Variants in DDX10 observed in about 807,000 individuals in gnomAD.
The protein encoded by DDX10 is DEAD-box helicase 10.
Under a neutral mutation model 104.3 loss-of-function variants are expected in DDX10, and 74 were observed. The observed-to-expected ratio is 0.71, with a 90% CI of 0.59 to 0.86. The LOEUF is 0.86. Ranked by LOEUF, DDX10 falls within the 40% of genes least tolerant of loss-of-function variation. The probability of loss-of-function intolerance (pLI) is 0.00; values close to 1 mark genes in which losing one functional copy is unlikely to be tolerated. For synonymous variants in DDX10, 351 were observed against 353.4 expected (o/e 0.99, Z 0.08); for missense variants, 952 against 1,040.0 (o/e 0.92, Z 1.16).
chr11:108,812,287 G>GA (rs1285425897), intron 13 of DDX10, among the ~76,000 whole-genome samples: 1 of 152,112 alleles, frequency 6.6e-6, no homozygotes, highest in African/African-American at 2.4e-5. Context: ...CTATGCCTTT[G>GA]AAATAAGCTT....
intron 6 of DDX10, among the ~76,000 whole-genome samples, chr11:108,686,353 A>C (rs2094244092): frequency 6.6e-6 from 1 of 152,150 alleles, no homozygotes; most frequent in Non-Finnish European, 1.5e-5. Flanking sequence ...ATAGTATTTC[A>C]CAGTATATTC....
At position 108,880,453 on chromosome 11, in the gene DDX10, G is replaced by A. The variant is rs144882423; in HGVS notation, c.2304+28244G>A. 2.0e-5 allele frequency among the ~76,000 whole-genome samples: 3 copies of A among 152,272 alleles called. No individual in the cohort carries two copies. The East Asian group carries it at 5.8e-4, about 29-fold the overall frequency. On this transcript the variant is annotated intron_variant, in intron 16 of 17. Coordinates refer to ENST00000322536, the MANE Select transcript of DDX10 (RefSeq NM_004398.4). Reference sequence around the variant, plus strand: ...CCATAACAGCATTGCCTTATGTGTTGGATATGTAAAAATTAATTAGACATC... The same window carrying A: ...CCATAACAGCATTGCCTTATGTGTTAGATATGTAAAAATTAATTAGACATC...
Position 108,784,595 on chromosome 11 carries a change from T to C in DDX10, c.1966-53851T>C, listed in dbSNP as rs565053701. The stretch of plus-strand genomic sequence containing the variant: ...CTTGCAGATTCTGGATATTAGACTT[T>C]TGTCAAATGTCAAAATAATTGCAAA... On this transcript the variant is annotated intron_variant, in intron 13 of 17. Coordinates refer to ENST00000322536, the MANE Select transcript of DDX10 (RefSeq NM_004398.4). 3.9e-5 allele frequency among the ~76,000 whole-genome samples: 6 copies of C among 152,310 alleles called. No homozygotes were observed. The East Asian group carries it at 5.8e-4, about 15-fold the overall frequency.
intron 13 of DDX10, among the ~76,000 whole-genome samples, chr11:108,821,771 A>G (rs990119352): frequency 6.6e-6 from 1 of 152,222 alleles, no homozygotes; most frequent in African/African-American, 2.4e-5. Context: ...TTGATATTAC[A>G]CATAAACCAC....
At chr11:108,695,789 T>C (rs1368558086) in intron 9 of DDX10, among the ~76,000 whole-genome samples, 1 of 151,850 alleles carries the variant, frequency 6.6e-6, no homozygotes, top group East Asian at 1.9e-4. Context: ...TTTGATTGAT[T>C]CATGTTTATC....
chr11:108,892,886 C>T (rs752947243), intron 16 of DDX10, among the ~76,000 whole-genome samples: 3 of 152,108 alleles, frequency 2.0e-5, no homozygotes, highest in Non-Finnish European at 2.9e-5. Flanking sequence ...CTATTATTCT[C>T]ACCTATCCTT....
At chr11:108,826,288 CT>C (rs1862394566) in intron 13 of DDX10, among the ~76,000 whole-genome samples, 1 of 152,108 alleles carries the variant, frequency 6.6e-6, no homozygotes, top group African/African-American at 2.4e-5. Context: ...CAAATACACT[CT>C]GGATAGAAGT....
intron 9 of DDX10, among the ~76,000 whole-genome samples, chr11:108,699,289 T>C (rs1285547383): frequency 6.6e-6 from 1 of 152,198 alleles, no homozygotes; most frequent in East Asian, 1.9e-4. Flanking sequence ...AACCATTTAT[T>C]ATCGCAGCAA....
chr11:108,812,037 A>C (rs1307650152), intron 13 of DDX10, among the ~76,000 whole-genome samples: 1 of 152,034 alleles, frequency 6.6e-6, no homozygotes, highest in Non-Finnish European at 1.5e-5. Context: ...ATCCTGGTAC[A>C]GTTAGATATA....
At chr11:108,670,417 A>G (rs2094215474) in intron 1 of DDX10, among the ~76,000 whole-genome samples, 1 of 152,160 alleles carries the variant, frequency 6.6e-6, no homozygotes, top group East Asian at 1.9e-4. Flanking sequence ...GTTCCAAGAA[A>G]GATTCAGCCA....
chr11:108,869,144 T>C (rs544986432), intron 16 of DDX10, among the ~76,000 whole-genome samples: 1 of 151,932 alleles, frequency 6.6e-6, no homozygotes, highest in Admixed American at 6.6e-5. Context: ...ACTTGTATAT[T>C]AAAAGCCATG....
At chr11:108,719,773 A>T (rs2094296071) in intron 11 of DDX10, 24 bp from the exon 12 acceptor site, 3 of 1,387,770 alleles carry the variant, frequency 2.2e-6, no homozygotes, top group Non-Finnish European at 3.1e-6. Flanking sequence ...ATTATATTGT[A>T]CTTTTCAACC....
intron 13 of DDX10, among the ~76,000 whole-genome samples, chr11:108,779,961 AACTGTCCGTGAG>A (rs566730397): frequency 1.3e-5 from 2 of 152,332 alleles, no homozygotes; most frequent in Non-Finnish European, 2.9e-5. Context: ...TATGCTACTT[AACTGTCCGTGAG>A]ACTGTGGCAA....
intron 1 of DDX10, among the ~76,000 whole-genome samples, chr11:108,667,139 A>G (rs2094211168): frequency 6.6e-6 from 1 of 152,182 alleles, no homozygotes; most frequent in African/African-American, 2.4e-5. Context: ...TTTCTCTGTA[A>G]ATGATAGTGA....
chr11:108,861,802 A>G (rs994062907), intron 16 of DDX10, among the ~76,000 whole-genome samples: 4 of 152,152 alleles, frequency 2.6e-5, no homozygotes, highest in East Asian at 3.9e-4. Context: ...CCATACTTCA[A>G]TTAAAGCTCA....
intron 15 of DDX10, among the ~76,000 whole-genome samples, chr11:108,850,817 C>T (rs1184783014): frequency 2.6e-5 from 4 of 152,204 alleles, no homozygotes; most frequent in Admixed American, 1.3e-4. Context: ...CTCCCCAGGC[C>T]CAGTTTAGTC....
At chr11:108,842,048 A>T (rs561436859) in intron 15 of DDX10, among the ~76,000 whole-genome samples, 1 of 152,302 alleles carries the variant, frequency 6.6e-6, no homozygotes, top group East Asian at 1.9e-4. Context: ...AAATTTCCAT[A>T]TCAATTACTT....
chr11:108,836,590 G>A (rs142642748), intron 13 of DDX10, among the ~76,000 whole-genome samples: 3,178 of 152,194 alleles, frequency 0.021, 112 homozygotes, highest in African/African-American at 0.07. Flanking sequence ...AGGTTTAAGC[G>A]ATTGTCATGC....
At chr11:108,763,795 GTT>G (rs565010517) in intron 13 of DDX10, among the ~76,000 whole-genome samples, 1 of 152,136 alleles carries the variant, frequency 6.6e-6, no homozygotes, top group African/African-American at 2.4e-5. Context: ...AAAGCAAAGA[GTT>G]TTTATTACTA....
Sources: allele counts gnomAD v4.1 joint callset (sites outside exome capture counted in the v4.1 genomes callset), GRCh38; gene constraint gnomAD v4.1.1; transcripts MANE v1.5; gene names NCBI Gene and HGNC (gene_info 2026-07-23, HGNC 2026-07-21).